DCAF8L2: variants seen among roughly 807,000 people sequenced by gnomAD.
DCAF8L2 encodes the protein DDB1 and CUL4 associated factor 8 like 2, also known as DDB1- and CUL4-associated factor 8-like protein 2.
For missense variants in DCAF8L2, 430 were observed against 490.7 expected (o/e 0.88, Z 1.17); for synonymous variants, 200 against 190.9 (o/e 1.05, Z -0.39).
In DCAF8L2 at chrX:27,748,565, T is replaced by C. The variant is rs1167053977; in HGVS notation, c.1670T>C (p.Ile557Thr). The C allele has an allele frequency of 8.3e-7, 1 of 1,208,765 alleles. No individual in the cohort carries two copies. The change falls in exon 5 of 5, where the codon ATT becomes ACT. Residue 557 changes from isoleucine to threonine, a missense_variant. Transcript: ENST00000451261. Reference protein sequence around the residue: ...ATELTGLKKVIKKNKWERDED... With the variant: ...ATELTGLKKVTKKNKWERDED... Reference sequence around the variant, plus strand: ...GAGCTTACTGGGTTAAAGAAGGTGATTAAGAAGAACAAGTGGGAACGAGAT... The same window carrying C: ...GAGCTTACTGGGTTAAAGAAGGTGACTAAGAAGAACAAGTGGGAACGAGAT...
chrX:27,501,464 T>C, the DCAF8L2 span, among the ~76,000 whole-genome samples: 2 of 111,559 alleles, frequency 1.8e-5, no homozygotes, highest in East Asian at 2.8e-4. Flanking sequence ...TTGTTTCCAT[T>C]ATATATTCCA....
chrX:27,481,494 T>C, the DCAF8L2 span, among the ~76,000 whole-genome samples: 4 of 111,833 alleles, frequency 3.6e-5, no homozygotes, highest in African/African-American at 1.3e-4. Flanking sequence ...TTTAAATATG[T>C]ATTTAAACAT....
chrX:27,524,325 T>G, the DCAF8L2 span, among the ~76,000 whole-genome samples: 2 of 112,148 alleles, frequency 1.8e-5, no homozygotes, highest in African/African-American at 6.5e-5. Context: ...ATAGAGGTGT[T>G]TATAGTATTC....
chrX:27,548,346 T>G, the DCAF8L2 span, among the ~76,000 whole-genome samples: 2 of 111,631 alleles, frequency 1.8e-5, no homozygotes, highest in Non-Finnish European at 3.8e-5. Flanking sequence ...AAAAGAGTCC[T>G]TTTTAATAAA....
chrX:27,486,604 T>G, the DCAF8L2 span, among the ~76,000 whole-genome samples: 1 of 111,880 alleles, frequency 8.9e-6, no homozygotes. Context: ...AAATCTCATT[T>G]TTGAACATAG....
chrX:27,550,792 C>A, the DCAF8L2 span, among the ~76,000 whole-genome samples: 1 of 106,604 alleles, frequency 9.4e-6, no homozygotes, highest in Non-Finnish European at 1.9e-5. Flanking sequence ...ACAGGCATAA[C>A]AATATTTTAT....
intron 3 of DCAF8L2, among the ~76,000 whole-genome samples, chrX:27,689,411 A>T (rs188427940): frequency 2.7e-5 from 3 of 111,535 alleles, no homozygotes; most frequent in African/African-American, 9.8e-5. Context: ...CACCCAGCTA[A>T]TTTTTTGTAT....
At chrX:27,514,685 A>AAC in the DCAF8L2 span, among the ~76,000 whole-genome samples, 55 of 65,351 alleles carry the variant, frequency 8.4e-4, 1 homozygote, top group African/African-American at 2.6e-3. Flanking sequence ...AAAAAAAAAA[A>AAC]AAAAAAAAAA....
the DCAF8L2 span, among the ~76,000 whole-genome samples, chrX:27,573,254 T>TCTCACACA: frequency 1.9e-3 from 188 of 99,727 alleles, 2 homozygotes; most frequent in East Asian, 4.3e-3. Flanking sequence ...TCTCTCTCTC[T>TCTCACACA]CACACACACA....
At chrX:27,678,919 T>G (rs183856664) in intron 3 of DCAF8L2, among the ~76,000 whole-genome samples, 4 of 111,851 alleles carry the variant, frequency 3.6e-5, no homozygotes, top group African/African-American at 9.7e-5. Context: ...AATGAAAGTG[T>G]CATCATTGTG....
intron 3 of DCAF8L2, among the ~76,000 whole-genome samples, chrX:27,696,362 G>A (rs1242110909): frequency 9.0e-6 from 1 of 110,542 alleles, no homozygotes; most frequent in Non-Finnish European, 1.9e-5. Context: ...AAATTGAAAT[G>A]GAAGGCATTG....
At chrX:27,621,791 G>A (rs1927772602) in intron 1 of DCAF8L2, among the ~76,000 whole-genome samples, 1 of 110,475 alleles carries the variant, frequency 9.1e-6, no homozygotes. Flanking sequence ...CCAGAAGTTC[G>A]AGACAAGCCT....
chrX:27,622,250 C>T (rs1485820973), intron 1 of DCAF8L2, among the ~76,000 whole-genome samples: 1 of 104,403 alleles, frequency 9.6e-6, no homozygotes. Flanking sequence ...CGGTGAAACC[C>T]CGTCTCTACT....
the DCAF8L2 span, among the ~76,000 whole-genome samples, chrX:27,501,206 C>T: frequency 1.6e-4 from 17 of 108,896 alleles, no homozygotes; most frequent in African/African-American, 5.3e-4. Context: ...CTCTCTCTCT[C>T]CCTGCCCCCC....
chrX:27,506,324 C>T, the DCAF8L2 span, among the ~76,000 whole-genome samples: 2 of 111,651 alleles, frequency 1.8e-5, no homozygotes, highest in South Asian at 3.7e-4. Context: ...TGTACACCCT[C>T]GTCCATGAAA....
chrX:27,507,865 A>G, the DCAF8L2 span, among the ~76,000 whole-genome samples: 2 of 111,551 alleles, frequency 1.8e-5, no homozygotes, highest in Non-Finnish European at 3.8e-5. Flanking sequence ...CAGTTTGTAT[A>G]ATATAATCTA....
At chrX:27,616,659 T>TA (rs1433775082) in intron 1 of DCAF8L2, among the ~76,000 whole-genome samples, 2 of 111,517 alleles carry the variant, frequency 1.8e-5, no homozygotes, top group Non-Finnish European at 3.8e-5. Flanking sequence ...CTTATCGTAT[T>TA]ACGTTGATTC....
At chrX:27,496,682 T>C in the DCAF8L2 span, among the ~76,000 whole-genome samples, 3 of 112,196 alleles carry the variant, frequency 2.7e-5, no homozygotes, top group African/African-American at 3.2e-5. Context: ...TTATGTATAA[T>C]GATCCTACGC....
At chrX:27,671,448 CT>C (rs1334426574) in intron 2 of DCAF8L2, among the ~76,000 whole-genome samples, 2 of 112,185 alleles carry the variant, frequency 1.8e-5, no homozygotes, top group African/African-American at 6.5e-5. Context: ...TTCTAATGTG[CT>C]TTAAAGCTTA....
Sources: gnomAD v4.1 joint callset for allele counts (sites outside exome capture counted in the v4.1 genomes callset) on GRCh38, gnomAD v4.1.1 for gene constraint, MANE v1.5 for transcripts, NCBI Gene and HGNC (gene_info 2026-07-23, HGNC 2026-07-21) for gene names.